Variants in NTRK3 observed in about 807,000 individuals in gnomAD.
NTRK3 encodes the protein neurotrophic receptor tyrosine kinase 3, also known as NT-3 growth factor receptor.
In NTRK3, 24 loss-of-function variants were observed where a neutral mutation model predicts 91.7. That is an observed-to-expected ratio of 0.26 (90% confidence interval 0.19 to 0.37). The LOEUF is 0.37. Ranked by LOEUF, NTRK3 falls within the 10% of genes least tolerant of loss-of-function variation. The probability of loss-of-function intolerance (pLI) is 1.00; values close to 1 mark genes in which losing one functional copy is unlikely to be tolerated. For synonymous variants in NTRK3, 483 were observed against 404.0 expected (o/e 1.20, Z -2.34); for missense variants, 880 against 1,068.9 (o/e 0.82, Z 2.46).
intron 14 of NTRK3, among the ~76,000 whole-genome samples, chr15:87,947,034 A>G (rs1050927857): frequency 6.6e-6 from 1 of 151,928 alleles, no homozygotes; most frequent in African/African-American, 2.4e-5. Flanking sequence ...GCGTGCCACC[A>G]CACCTGGTGA....
chr15:88,003,929 CAA>C (rs991180646), intron 14 of NTRK3, among the ~76,000 whole-genome samples: 7 of 150,442 alleles, frequency 4.7e-5, no homozygotes, highest in African/African-American at 1.7e-4. Flanking sequence ...GAGAACTGGT[CAA>C]AGAGTCTCTT....
chr15:87,976,641 C>G (rs928560305), intron 14 of NTRK3, among the ~76,000 whole-genome samples: 1 of 152,168 alleles, frequency 6.6e-6, no homozygotes, highest in African/African-American at 2.4e-5. Context: ...CTGCCAGGGT[C>G]CAAGGGTGCA....
intron 5 of NTRK3, among the ~76,000 whole-genome samples, chr15:88,149,855 T>G (rs2043212814): frequency 6.6e-6 from 1 of 152,234 alleles, no homozygotes. Flanking sequence ...TTATTAAATC[T>G]AAGTGTTTGA....
chr15:88,078,799 G>T (rs1033566788), intron 13 of NTRK3, among the ~76,000 whole-genome samples: 1 of 152,242 alleles, frequency 6.6e-6, no homozygotes, highest in Non-Finnish European at 1.5e-5. Context: ...GGGAGACACA[G>T]GGCAAAGGTC....
exon 19 of NTRK3, chr15:87,876,738 T>TATA: frequency 2.4e-6 from 1 of 412,076 alleles, no homozygotes. Context: ...TATATATATA[T>TATA]TTGCCAAACT....
intron 13 of NTRK3, among the ~76,000 whole-genome samples, chr15:88,060,140 G>A (rs905792583): frequency 3.9e-5 from 6 of 152,088 alleles, no homozygotes; most frequent in African/African-American, 7.2e-5. Flanking sequence ...CTGTAATTTG[G>A]GTGGCCAAGG....
chr15:88,225,951 C>T (rs906150616), intron 3 of NTRK3, among the ~76,000 whole-genome samples: 2 of 152,192 alleles, frequency 1.3e-5, no homozygotes, highest in South Asian at 4.1e-4. Context: ...GCTCAGACCC[C>T]AGACCCTGGA....
At chr15:88,090,361 C>T (rs933903135) in intron 13 of NTRK3, among the ~76,000 whole-genome samples, 4 of 151,736 alleles carry the variant, frequency 2.6e-5, no homozygotes, top group Admixed American at 6.6e-5. Flanking sequence ...GCCCAGTGCA[C>T]GCTCAAAAAT....
chr15:88,229,201 C>T (rs998975464), intron 3 of NTRK3, among the ~76,000 whole-genome samples: 16 of 152,310 alleles, frequency 1.1e-4, no homozygotes, highest in African/African-American at 1.7e-4. Context: ...TGCAGCCAAA[C>T]GCAAGCCTGT....
At chr15:87,957,403 A>T (rs1443758148) in intron 14 of NTRK3, among the ~76,000 whole-genome samples, 1 of 152,220 alleles carries the variant, frequency 6.6e-6, no homozygotes, top group East Asian at 1.9e-4. Context: ...GTGTGGCTTC[A>T]TTAAGAGATT....
intron 14 of NTRK3, among the ~76,000 whole-genome samples, chr15:88,002,847 A>G (rs1334646212): frequency 6.6e-6 from 1 of 152,160 alleles, no homozygotes; most frequent in Non-Finnish European, 1.5e-5. Flanking sequence ...GAAAAAAAAC[A>G]AAAAGCAGAC....
intron 14 of NTRK3, among the ~76,000 whole-genome samples, chr15:88,012,713 C>T (rs998182209): frequency 6.6e-6 from 1 of 152,150 alleles, no homozygotes; most frequent in Admixed American, 6.5e-5. Flanking sequence ...TATATTGAAG[C>T]ACTTCTCAGC....
At chr15:87,988,680 T>C (rs1462554494) in intron 14 of NTRK3, among the ~76,000 whole-genome samples, 1 of 152,222 alleles carries the variant, frequency 6.6e-6, no homozygotes, top group East Asian at 1.9e-4. Flanking sequence ...TTATTGATCC[T>C]ATATTAGCAA....
At chr15:87,950,823 C>T (rs1381253628) in intron 14 of NTRK3, among the ~76,000 whole-genome samples, 2 of 151,984 alleles carry the variant, frequency 1.3e-5, no homozygotes, top group East Asian at 3.9e-4. Flanking sequence ...AGGATTCTCC[C>T]TTATTATTGT....
At chr15:88,231,623 C>G (rs1555565916) in intron 3 of NTRK3, among the ~76,000 whole-genome samples, 3 of 152,314 alleles carry the variant, frequency 2.0e-5, no homozygotes. Flanking sequence ...TCAATGCGAG[C>G]ATCCATCAAC....
chr15:88,058,487 CAG>C (rs1366030896), intron 13 of NTRK3, among the ~76,000 whole-genome samples: 1 of 152,184 alleles, frequency 6.6e-6, no homozygotes, highest in East Asian at 1.9e-4. Flanking sequence ...CTAGGTCAAA[CAG>C]GGGAAGTTCT....
At chr15:88,205,625 T>A (rs2048683187) in intron 3 of NTRK3, among the ~76,000 whole-genome samples, 1 of 152,128 alleles carries the variant, frequency 6.6e-6, no homozygotes, top group African/African-American at 2.4e-5. Flanking sequence ...CACAGCCCGC[T>A]TCTGAACAAG....
At chr15:88,135,765 A>G in intron 9 of NTRK3, 134 bp downstream of exon 9, 1 of 1,216,662 alleles carries the variant, frequency 8.2e-7, no homozygotes, top group Non-Finnish European at 1.2e-6. Context: ...CCTGCCCTAC[A>G]AGAGTCCTTC....
chr15:88,254,704 G>T (rs1468301460), intron 3 of NTRK3, among the ~76,000 whole-genome samples: 1 of 152,146 alleles, frequency 6.6e-6, no homozygotes, highest in Non-Finnish European at 1.5e-5. Flanking sequence ...CGTCGAAGGG[G>T]TAAAGAGCCA....
Sources: allele counts gnomAD v4.1 joint callset (sites outside exome capture counted in the v4.1 genomes callset), GRCh38; gene constraint gnomAD v4.1.1; transcripts MANE v1.5; gene names NCBI Gene and HGNC (gene_info 2026-07-23, HGNC 2026-07-21).